The following XPO5 variants were observed in gnomAD, a reference collection of about 807,000 sequenced individuals.
XPO5 encodes exportin 5.
In XPO5, 46 loss-of-function variants were observed where a neutral mutation model predicts 160.6. That is an observed-to-expected ratio of 0.29 (90% CI 0.23 to 0.37). XPO5 has a LOEUF of 0.37. Among genes scored for constraint, XPO5 ranks in the 10% least tolerant of loss-of-function variants. The pLI, the probability that XPO5 is intolerant of heterozygous loss-of-function variation, is 1.00. For missense variants in XPO5, 1,090 were observed against 1,463.9 expected (o/e 0.74, Z 4.17); for synonymous variants, 537 against 519.3 (o/e 1.03, Z -0.46).
Position 43,560,232 on chromosome 6 carries a change from C to A in XPO5, c.1167G>T (p.Leu389Phe), listed in dbSNP as rs773279445. The change falls in exon 11 of 32, where the codon TTG (leucine) becomes TTT (phenylalanine). Residue 389 changes from leucine to phenylalanine, a missense_variant. Coordinates refer to ENST00000265351, the MANE Select transcript of XPO5 (RefSeq NM_020750.3). ...GATATTTTGGTATTATTGCTAATAGCAAAGGATCACGGGACAGGATTTCAT... is the reference window on the plus strand; with the variant it reads ...GATATTTTGGTATTATTGCTAATAGAAAAGGATCACGGGACAGGATTTCAT... ...FRHEILSRDP[L>F]LLAIIPKYLR... The A allele has an allele frequency of 6.2e-7, 1 of 1,612,134 alleles. No individual in the cohort carries two copies.
chr6:43,574,082 G>C (rs559717001), intron 1 of XPO5, among the ~76,000 whole-genome samples: 4 of 151,982 alleles, frequency 2.6e-5, no homozygotes, highest in South Asian at 4.1e-4. Flanking sequence ...CACCTGCCTT[G>C]GCCTCCCAAA....
rs779573241 is a variant in XPO5, at chr6:43,546,698, T to C, written c.2215A>G (p.Thr739Ala). The part of the protein sequence containing the change: ...LGVVKRTCWP[T>A]DLEEAKAGGF... Reference sequence around the variant, plus strand: ...CCAGCTTTGGCCTCTTCTAGGTCAGTGGGCCAGCAAGTTCGTTTCACCACA... The same window carrying C: ...CCAGCTTTGGCCTCTTCTAGGTCAGCGGGCCAGCAAGTTCGTTTCACCACA... The change falls in exon 20 of 32, where the codon ACT becomes GCT. Residue 739 changes from threonine to alanine, a missense_variant. Physicochemically the swap from Thr to Ala is moderately conservative, Grantham distance 58. Transcript: ENST00000265351. 1.2e-6 allele frequency: 2 copies of C among 1,612,618 alleles called. No individual in the cohort carries two copies. The highest frequency in any genetic ancestry group is 1.7e-6 in the Non-Finnish European group (2 of 1,179,468).
intron 3 of XPO5, among the ~76,000 whole-genome samples, chr6:43,572,185 C>T (rs898674907): frequency 3.3e-5 from 5 of 152,334 alleles, no homozygotes; most frequent in Admixed American, 3.3e-4. Context: ...TCAGAAAATC[C>T]TCCCACCTCA....
intron 1 of XPO5, among the ~76,000 whole-genome samples, chr6:43,574,945 C>T (rs1050142120): frequency 1.3e-5 from 2 of 152,168 alleles, no homozygotes; most frequent in African/African-American, 2.4e-5. Context: ...GTTAACATCA[C>T]TTTAAAAATG....
In XPO5 at chr6:43,526,581, G is replaced by A. The variant is rs1150800; in HGVS notation, c.2983+104C>T. The A allele has an allele frequency of 2.8e-4, 360 of 1,264,214 alleles. 1 individual carries two copies. Among genetic ancestry groups the A allele is most frequent in the Non-Finnish European group, 3.9e-4 (345 of 882,604 alleles). The allele number at this position is 1,264,214 out of a possible 1,614,324, so 78.3% of individuals were successfully genotyped here. The stretch of plus-strand genomic sequence containing the variant: ...GGTCCAGAGATGATAACTACATGTA[G>A]GGTGTCTTCTCCTCACCAGACTGCA... On this transcript the variant is annotated intron_variant, in intron 27 of 31. Coordinates refer to ENST00000265351, the MANE Select transcript of XPO5 (RefSeq NM_020750.3).
intron 20 of XPO5, among the ~76,000 whole-genome samples, chr6:43,545,937 C>T (rs563934925): frequency 6.6e-6 from 1 of 152,030 alleles, no homozygotes; most frequent in South Asian, 2.1e-4. Flanking sequence ...TGTATATAAA[C>T]CACTGGGCAT....
Position 43,523,920 on chromosome 6 carries a change from G to A in XPO5, c.3563C>T (p.Thr1188Met), listed in dbSNP as rs369309281. ...LFKKTKPMLE[T>M]EVLDNDGGGL... ...ACCCCCATCATTGTCCAGCACCTCC[G>A]TCTCCAGCATTGGCTTTGTTTTTTT... The change falls in exon 32 of 32, where the codon ACG becomes ATG. Residue 1188 changes from threonine (T) to methionine (M), a missense_variant. Physicochemically the swap from Thr to Met is moderately conservative, Grantham distance 81. This residue lies in a region of XPO5 where 810 missense variants were observed against 1,139.0 expected (regional missense o/e 0.71). Coordinates refer to ENST00000265351, the MANE Select transcript of XPO5 (RefSeq NM_020750.3). The A allele has an allele frequency of 1.5e-4, 247 of 1,614,022 alleles. No individual in the cohort carries two copies. The highest frequency in any genetic ancestry group is 1.9e-4 in the Non-Finnish European group (228 of 1,179,888).
chr6:43,562,438 T>A (rs1475188316), intron 8 of XPO5, 92 bp from the exon 9 acceptor site: 8 of 956,816 alleles, frequency 8.4e-6, no homozygotes, highest in Non-Finnish European at 1.3e-5. Flanking sequence ...AGTCATTTAG[T>A]TAGGTCTGTA....
At chr6:43,569,499 C>A (rs1762879441) in intron 5 of XPO5, among the ~76,000 whole-genome samples, 1 of 151,830 alleles carries the variant, frequency 6.6e-6, no homozygotes, top group African/African-American at 2.4e-5. Flanking sequence ...TTTGGAAGAC[C>A]AAGGCAGGCG....
At chr6:43,573,726 A>G in intron 1 of XPO5, 125 bp from the exon 2 acceptor site, 1 of 1,178,040 alleles carries the variant, frequency 8.5e-7, no homozygotes, top group South Asian at 1.6e-5. Context: ...GCACTCTGGG[A>G]GGCTGAGATG....
In XPO5 at chr6:43,576,000, A is replaced by C. The variant is rs1180510103; in HGVS notation, c.-136T>G. 2 of 746,030 alleles carry C rather than the reference A, an allele frequency of 2.7e-6. No individual in the cohort carries two copies. The highest frequency in any genetic ancestry group is 4.3e-6 in the Non-Finnish European group (2 of 465,466). 46.2% of individuals were successfully genotyped at this position (746,030 alleles called of 1,614,324 possible). ...GGTGGGAAGCTGGAGGAGGAGCGTT[A>C]GCAGCAACTCGCGCTGGGAAGAAGC... is the stretch of plus-strand genomic sequence containing the variant. On this transcript the variant is annotated 5_prime_UTR_variant, in exon 1 of 32. Coordinates refer to ENST00000265351, the MANE Select transcript of XPO5 (RefSeq NM_020750.3).
rs1346621410 is a variant in XPO5, at chr6:43,576,012, C to A, written c.-148G>T. On this transcript the variant is annotated 5_prime_UTR_variant, in exon 1 of 32. Transcript: ENST00000265351. ...GAGGAGGAGCGTTAGCAGCAACTCG[C>A]GCTGGGAAGAAGCCGGCGCTGCGCA... The A allele has an allele frequency of 6.0e-6, 4 of 666,336 alleles. 1 individual carries two copies. The highest frequency in any genetic ancestry group is 9.8e-6 in the Non-Finnish European group (4 of 408,610). The allele number at this position is 666,336 out of a possible 1,614,324, so 41.3% of individuals were successfully genotyped here.
At chr6:43,573,395 C>T in intron 2 of XPO5, 85 bp downstream of exon 2, 1 of 1,546,160 alleles carries the variant, frequency 6.5e-7, no homozygotes, top group Non-Finnish European at 8.8e-7. Flanking sequence ...CTTCTCTACT[C>T]ACCTAAACAG....
chr6:43,574,003 T>C (rs1277506675), intron 1 of XPO5, among the ~76,000 whole-genome samples: 3 of 151,840 alleles, frequency 2.0e-5, no homozygotes, highest in Non-Finnish European at 4.4e-5. Context: ...CTAATTTTTG[T>C]ATTTTTAGTA....
Position 43,575,781 on chromosome 6 carries a change from G to C in XPO5, c.84C>G (p.Arg28=), listed in dbSNP as rs1763288182. The C allele has an allele frequency of 1.2e-6, 2 of 1,613,544 alleles. No homozygotes were observed. Among genetic ancestry groups the C allele is most frequent in the African/African-American group, 1.3e-5 (1 of 74,934 alleles). ...TVMMDPNSTQ[R]YRLEALKFCE... is the part of the protein sequence containing the mutation. ...CTACCTTGAGGGCTTCCAGCCGGTA[G>C]CGCTGGGTGGAGTTGGGGTCCATCA... The change falls in exon 1 of 32, where the codon CGC becomes CGG. Residue 28 remains arginine, a synonymous_variant. Transcript: ENST00000265351.
At chr6:43,564,668 T>C (rs552853322) in intron 8 of XPO5, among the ~76,000 whole-genome samples, 13 of 152,288 alleles carry the variant, frequency 8.5e-5, no homozygotes, top group African/African-American at 2.9e-4. Flanking sequence ...AGTGGCATGA[T>C]CATGGTTCAC....
intron 20 of XPO5, among the ~76,000 whole-genome samples, chr6:43,535,920 C>T (rs1313072662): frequency 6.6e-6 from 1 of 150,970 alleles, no homozygotes; most frequent in Non-Finnish European, 1.5e-5. Context: ...GCCAGGAGAT[C>T]AAGACCAGCC....
chr6:43,538,082 CA>C (rs1217531011), intron 20 of XPO5, among the ~76,000 whole-genome samples: 6,258 of 36,136 alleles, frequency 0.17, 116 homozygotes, highest in African/African-American at 0.26. Context: ...AAGATGGTCT[CA>C]AAAAAAAAAA....
intron 18 of XPO5, 56 bp downstream of exon 18, chr6:43,548,205 T>TA: frequency 1.3e-6 from 2 of 1,498,632 alleles, no homozygotes; most frequent in East Asian, 2.3e-5. Context: ...GCCTAGCTCT[T>TA]AAACCAAAAT....
Sources: gnomAD v4.1 joint callset for allele counts (sites outside exome capture counted in the v4.1 genomes callset) on GRCh38, gnomAD v4.1.1 for gene constraint, gnomAD v4.1.1 regional missense constraint, MANE v1.5 for transcripts, NCBI Gene and HGNC (gene_info 2026-07-23, HGNC 2026-07-21) for gene names.